CHN1: variants seen among roughly 807,000 people sequenced by gnomAD.
CHN1 encodes the protein chimerin 1.
CHN1 carries 37 observed loss-of-function variants against 59.5 expected under a neutral mutation model. That is an observed-to-expected ratio of 0.62 (90% CI 0.48 to 0.82). The LOEUF is 0.82. CHN1 is among the 40% of genes least tolerant of loss of function. The pLI is 0.00. For synonymous variants in CHN1, 206 were observed against 200.4 expected (o/e 1.03, Z -0.24); for missense variants, 469 against 571.0 (o/e 0.82, Z 1.82).
chr2:174,801,506 C>T (rs1464203228), intron 12 of CHN1, among the ~76,000 whole-genome samples: 1 of 152,188 alleles, frequency 6.6e-6, no homozygotes, highest in Non-Finnish European at 1.5e-5. Flanking sequence ...ATTTATAACA[C>T]AATCAAGTCT....
chr2:174,963,063 T>C (rs1690469282), intron 1 of CHN1, among the ~76,000 whole-genome samples: 1 of 152,212 alleles, frequency 6.6e-6, no homozygotes, highest in African/African-American at 2.4e-5. Flanking sequence ...AAGATAATTT[T>C]ATAAAAATAT....
At chr2:174,824,367 C>G in intron 8 of CHN1, 67 bp downstream of exon 8, 219 of 1,152,172 alleles carry the variant, frequency 1.9e-4, no homozygotes, top group Non-Finnish European at 2.5e-4. Flanking sequence ...AACAACAAGT[C>G]TCCTTCTACC....
intron 5 of CHN1, among the ~76,000 whole-genome samples, chr2:174,899,840 T>C (rs1688333798): frequency 6.6e-6 from 1 of 152,220 alleles, no homozygotes; most frequent in Non-Finnish European, 1.5e-5. Flanking sequence ...AACCACTGCT[T>C]AGCCATTAGC....
intron 3 of CHN1, among the ~76,000 whole-genome samples, chr2:174,935,889 G>C (rs1347963857): frequency 6.6e-6 from 1 of 151,810 alleles, no homozygotes; most frequent in Non-Finnish European, 1.5e-5. Context: ...GCTAAAATTG[G>C]GCCACTGCAC....
At chr2:174,921,583 A>G (rs1288019395) in intron 3 of CHN1, among the ~76,000 whole-genome samples, 2 of 152,096 alleles carry the variant, frequency 1.3e-5, no homozygotes, top group African/African-American at 4.8e-5. Flanking sequence ...CACACTGTTA[A>G]TAAAGGCATA....
In CHN1 at chr2:174,801,725, A is replaced by T; in HGVS notation, c.1190T>A (p.Leu397His). Reference protein sequence around the residue: ...PPAHCETLRYLMAHLKRVTLH... With the variant: ...PPAHCETLRYHMAHLKRVTLH... ...AGCTTGCCTCTTTAGATGTGCCATGAGGTACCGGAGGGTTTCGCAGTGAGC... is the reference window on the plus strand; with the variant it reads ...AGCTTGCCTCTTTAGATGTGCCATGTGGTACCGGAGGGTTTCGCAGTGAGC... Residue 397 changes from leucine to histidine, a missense_variant, in exon 12 of 13, where the codon CTC (leucine) becomes CAC (histidine). Coordinates refer to ENST00000409900, the MANE Select transcript of CHN1 (RefSeq NM_001822.7). The T allele has an allele frequency of 6.2e-7, 1 of 1,613,112 alleles. No individual in the cohort carries two copies. Among genetic ancestry groups the T allele is most frequent in the Non-Finnish European group, 8.5e-7 (1 of 1,179,204 alleles).
chr2:174,914,285 G>A (rs1688776359), intron 5 of CHN1, among the ~76,000 whole-genome samples: 1 of 152,152 alleles, frequency 6.6e-6, no homozygotes, highest in African/African-American at 2.4e-5. Flanking sequence ...AGGGTTAGCA[G>A]GAGTATTTGT....
At chr2:174,914,744 G>A (rs1688797523) in intron 5 of CHN1, among the ~76,000 whole-genome samples, 1 of 151,470 alleles carries the variant, frequency 6.6e-6, no homozygotes, top group East Asian at 1.9e-4. Context: ...TCGGGAGGCT[G>A]AGGCAGGAGA....
intron 1 of CHN1, among the ~76,000 whole-genome samples, chr2:175,001,319 A>G (rs1311686126): frequency 6.6e-6 from 1 of 152,226 alleles, no homozygotes; most frequent in East Asian, 1.9e-4. Context: ...GAAAATCTTC[A>G]ATTGACTTGT....
chr2:174,813,316 T>C (rs1307402905), intron 8 of CHN1, among the ~76,000 whole-genome samples: 2 of 152,176 alleles, frequency 1.3e-5, no homozygotes, highest in East Asian at 1.9e-4. Flanking sequence ...AAGAGACGTA[T>C]AGGATGAGGT....
intron 3 of CHN1, 136 bp from the exon 4 acceptor site, chr2:174,918,701 T>A (rs1688919517): frequency 1.6e-6 from 1 of 636,376 alleles, no homozygotes; most frequent in African/African-American, 1.9e-5. Context: ...GAGTCCCAGT[T>A]CTACCAGCAG....
chr2:174,880,312 T>C (rs1687694418), intron 5 of CHN1, among the ~76,000 whole-genome samples: 1 of 152,262 alleles, frequency 6.6e-6, no homozygotes, highest in Non-Finnish European at 1.5e-5. Flanking sequence ...AACTGCATTA[T>C]ATTTTACTAA....
At chr2:174,990,504 G>A (rs1691512376) in intron 1 of CHN1, among the ~76,000 whole-genome samples, 1 of 152,124 alleles carries the variant, frequency 6.6e-6, no homozygotes, top group African/African-American at 2.4e-5. Context: ...GCTCTCCAGA[G>A]AACTGCAGAG....
intron 1 of CHN1, among the ~76,000 whole-genome samples, chr2:174,980,645 G>A (rs768944313): frequency 6.6e-5 from 10 of 152,154 alleles, no homozygotes; most frequent in Non-Finnish European, 1.5e-4. Context: ...TAAGAGTGAT[G>A]AAGATGCTCT....
At chr2:174,938,196 C>T (rs1049727067) in intron 3 of CHN1, among the ~76,000 whole-genome samples, 2 of 152,172 alleles carry the variant, frequency 1.3e-5, no homozygotes, top group Non-Finnish European at 2.9e-5. Context: ...TACTTGAGTA[C>T]ATCTTTATCC....
At chr2:174,944,182 A>G (rs919762138) in intron 3 of CHN1, among the ~76,000 whole-genome samples, 1 of 152,110 alleles carries the variant, frequency 6.6e-6, no homozygotes, top group African/African-American at 2.4e-5. Context: ...ATGTTATTCT[A>G]TATTTGTGCA....
At chr2:174,824,594 T>C (rs1685620031) in intron 7 of CHN1, 76 bp from the exon 8 acceptor site, 7 of 776,374 alleles carry the variant, frequency 9.0e-6, no homozygotes, top group South Asian at 9.0e-5. Context: ...ATCAAAGCAC[T>C]AATATACAAG....
intron 1 of CHN1, among the ~76,000 whole-genome samples, chr2:174,955,443 A>C (rs923036859): frequency 1.3e-5 from 2 of 152,016 alleles, no homozygotes; most frequent in African/African-American, 4.8e-5. Flanking sequence ...CTATGAGGAC[A>C]CAAAGGCATA....
chr2:174,836,615 C>T (rs1686089866), intron 7 of CHN1, among the ~76,000 whole-genome samples: 1 of 152,152 alleles, frequency 6.6e-6, no homozygotes, highest in South Asian at 2.1e-4. Flanking sequence ...TAGGTGATTT[C>T]ATTTGACATT....
Sources: gnomAD v4.1 joint callset for allele counts (sites outside exome capture counted in the v4.1 genomes callset) on GRCh38, gnomAD v4.1.1 for gene constraint, MANE v1.5 for transcripts, NCBI Gene and HGNC (gene_info 2026-07-23, HGNC 2026-07-21) for gene names.